The following SLC25A12 variants were observed in gnomAD, a reference collection of about 807,000 sequenced individuals.
SLC25A12 encodes the protein solute carrier family 25 member 12, also known as electrogenic aspartate/glutamate antiporter SLC25A12, mitochondrial.
In SLC25A12, 32 loss-of-function variants were observed where a neutral mutation model predicts 83.3. That is an observed-to-expected ratio of 0.38 (90% CI 0.29 to 0.52). SLC25A12 has a LOEUF of 0.52. Among genes scored for constraint, SLC25A12 ranks in the 20% least tolerant of loss-of-function variants. The pLI, the probability that SLC25A12 is intolerant of heterozygous loss-of-function variation, is 0.84. For missense variants in SLC25A12, 611 were observed against 835.6 expected, an observed-to-expected ratio of 0.73 and a Z score of 3.31; for synonymous variants, 267 against 291.1, an observed-to-expected ratio of 0.92 and a Z score of 0.84.
intron 6 of SLC25A12, 114 bp downstream of exon 6, chr2:171,837,007 C>T: frequency 1.0e-6 from 1 of 991,602 alleles, no homozygotes; most frequent in Non-Finnish European, 1.5e-6. Context: ...TTCTACCAAC[C>T]AAGCATGAAA....
chr2:171,854,855 A>G (rs1390725193), intron 4 of SLC25A12, among the ~76,000 whole-genome samples: 2 of 152,238 alleles, frequency 1.3e-5, no homozygotes, highest in Non-Finnish European at 2.9e-5. Context: ...GCCATAGCTC[A>G]GGGAAAGCCT....
intron 6 of SLC25A12, among the ~76,000 whole-genome samples, chr2:171,835,533 C>G (rs775568874): frequency 6.6e-6 from 1 of 152,196 alleles, no homozygotes; most frequent in African/African-American, 2.4e-5. Flanking sequence ...TGGCGGGCAA[C>G]GTGGCCTTCA....
intron 15 of SLC25A12, chr2:171,788,331 T>A (rs1230116151): frequency 4.3e-6 from 1 of 232,604 alleles, no homozygotes; most frequent in African/African-American, 2.3e-5. Context: ...AAAATGATAA[T>A]GTCATCTTAG....
At chr2:171,818,864 T>G (rs1305119450) in intron 9 of SLC25A12, among the ~76,000 whole-genome samples, 2 of 151,778 alleles carry the variant, frequency 1.3e-5, no homozygotes, top group Admixed American at 1.3e-4. Flanking sequence ...ATAGCTAAAG[T>G]TTTTATATCA....
In SLC25A12 at chr2:171,868,766, G is replaced by T. The variant is rs150674046; in HGVS notation, c.124C>A (p.Arg42Ser). 11 of 1,613,006 alleles carry T rather than the reference G, an allele frequency of 6.8e-6. No individual in the cohort carries two copies. The highest frequency in any genetic ancestry group is 6.7e-5 in the African/African-American group (5 of 74,874). Residue 42 changes from arginine (R) to serine (S), a missense_variant, in exon 3 of 18, where the codon CGC becomes AGC. This residue lies in a region of SLC25A12 where 540 missense variants were observed against 777.5 expected (regional missense o/e 0.69). Transcript: ENST00000422440. ...GGATCATTATACAGTCCAAGATAGC[G>T]CTGAACAAAGTCTTCTGGGGTCATA... is the stretch of plus-strand genomic sequence containing the variant. ...RYMTPEDFVQ[R>S]YLGLYNDPNS...
chr2:171,844,668 G>A (rs1267608067), intron 4 of SLC25A12, among the ~76,000 whole-genome samples, 160 bp from the exon 5 acceptor site: 10 of 152,192 alleles, frequency 6.6e-5, no homozygotes, highest in East Asian at 1.9e-4. Flanking sequence ...GAAACCATGC[G>A]CAGGAACACA....
chr2:171,866,981 T>TC (rs1685336178), intron 3 of SLC25A12, among the ~76,000 whole-genome samples: 1 of 146,924 alleles, frequency 6.8e-6, no homozygotes, highest in Non-Finnish European at 1.5e-5. Context: ...GAGACGCTCC[T>TC]CACCTCCCAG....
intron 9 of SLC25A12, among the ~76,000 whole-genome samples, chr2:171,815,803 T>A (rs901945985): frequency 3.3e-5 from 5 of 152,114 alleles, no homozygotes; most frequent in Non-Finnish European, 5.9e-5. Flanking sequence ...TCTATACTAG[T>A]GTGTCAGTCT....
In SLC25A12 at chr2:171,876,936, G is replaced by C. The variant is rs533634108; in HGVS notation, c.67-8113C>G. Among the ~76,000 whole-genome samples, 3 of 152,324 alleles carry C rather than the reference G, an allele frequency of 2.0e-5. No individual in the cohort carries two copies. In the East Asian group the frequency reaches 5.8e-4, roughly 29 times the overall value. On this transcript the variant is annotated intron_variant, in intron 2 of 17. Transcript: ENST00000422440. ...TGACATAAAGTAGCTGACAGTATCT[G>C]AAATGTATCTGAAATAGCTGGTCCA...
chr2:171,856,167 A>G (rs1685041445), intron 3 of SLC25A12, among the ~76,000 whole-genome samples: 1 of 152,202 alleles, frequency 6.6e-6, no homozygotes, highest in African/African-American at 2.4e-5. Flanking sequence ...GCAATAATCA[A>G]TAGCTCCTAA....
chr2:171,835,273 A>C (rs368972420), intron 6 of SLC25A12, among the ~76,000 whole-genome samples: 2 of 152,342 alleles, frequency 1.3e-5, no homozygotes, highest in East Asian at 3.9e-4. Flanking sequence ...TTTTTCCTTC[A>C]CACACATACA....
intron 5 of SLC25A12, among the ~76,000 whole-genome samples, chr2:171,842,206 C>CA (rs1482266050): frequency 6.7e-6 from 1 of 149,200 alleles, no homozygotes; most frequent in Non-Finnish European, 1.5e-5. Context: ...TATTCAGCCA[C>CA]AAAAAAGGAA....
At chr2:171,810,143 C>T in intron 12 of SLC25A12, 81 bp downstream of exon 12, 1 of 1,205,314 alleles carries the variant, frequency 8.3e-7, no homozygotes, top group Non-Finnish European at 1.2e-6. Context: ...GCATGAGCTA[C>T]CACGCCTAGC....
chr2:171,837,036 A>G, intron 6 of SLC25A12, 85 bp downstream of exon 6: 2 of 1,294,182 alleles, frequency 1.5e-6, no homozygotes, highest in African/African-American at 1.5e-5. Context: ...GTTGAGAGTC[A>G]TATGAGTCCC....
chr2:171,851,691 C>A (rs928193950), intron 4 of SLC25A12, among the ~76,000 whole-genome samples: 1 of 152,112 alleles, frequency 6.6e-6, no homozygotes, highest in African/African-American at 2.4e-5. Flanking sequence ...TGTGCCACCA[C>A]ACCCGGCTAA....
At chr2:171,876,457 T>C (rs1558941864) in intron 2 of SLC25A12, among the ~76,000 whole-genome samples, 1 of 151,124 alleles carries the variant, frequency 6.6e-6, no homozygotes, top group Non-Finnish European at 1.5e-5. Context: ...AATGCTAAAA[T>C]ATTTTAGGTA....
At chr2:171,853,771 T>C (rs1684988174) in intron 4 of SLC25A12, among the ~76,000 whole-genome samples, 1 of 152,192 alleles carries the variant, frequency 6.6e-6, no homozygotes, top group South Asian at 2.1e-4. Flanking sequence ...CTTCCTACAC[T>C]CATTTTAATC....
At chr2:171,832,950 C>T (rs1049422198) in intron 8 of SLC25A12, among the ~76,000 whole-genome samples, 2 of 152,142 alleles carry the variant, frequency 1.3e-5, no homozygotes, top group Non-Finnish European at 2.9e-5. Context: ...AATATAACAA[C>T]AGCTGTCCAC....
intron 2 of SLC25A12, among the ~76,000 whole-genome samples, chr2:171,884,732 G>A (rs1047998862): frequency 1.3e-5 from 2 of 150,482 alleles, no homozygotes; most frequent in East Asian, 2.0e-4. Context: ...CTGAGACTGC[G>A]CCATTGCACT....
Sources: gnomAD v4.1 joint callset for allele counts (sites outside exome capture counted in the v4.1 genomes callset) on GRCh38, gnomAD v4.1.1 for gene constraint, gnomAD v4.1.1 regional missense constraint, MANE v1.5 for transcripts, NCBI Gene and HGNC (gene_info 2026-07-23, HGNC 2026-07-21) for gene names.